Variants in PREX2 observed in about 807,000 individuals in gnomAD.
PREX2 encodes the protein phosphatidylinositol 3,4,5-trisphosphate-dependent Rac exchanger 2 protein.
Under a neutral mutation model 203.2 loss-of-function variants are expected in PREX2, and 107 were observed. The observed-to-expected ratio is 0.53, with a 90% CI of 0.45 to 0.62. The LOEUF is 0.62. Among genes scored for constraint, PREX2 ranks in the 20% least tolerant of loss-of-function variants. The probability of loss-of-function intolerance (pLI) is 0.00; values close to 1 mark genes in which losing one functional copy is unlikely to be tolerated. For missense variants in PREX2, 1,777 were observed against 1,955.9 expected (o/e 0.91, Z 1.72); for synonymous variants, 672 against 663.6 (o/e 1.01, Z -0.19).
chr8:68,136,261 G>GA (rs576271953), intron 32 of PREX2, among the ~76,000 whole-genome samples: 1 of 151,732 alleles, frequency 6.6e-6, no homozygotes, highest in Non-Finnish European at 1.5e-5. Flanking sequence ...AAGCGGTGTG[G>GA]TTTTTTTTCA....
intron 35 of PREX2, among the ~76,000 whole-genome samples, chr8:68,180,974 C>T (rs1452891280): frequency 1.3e-5 from 2 of 152,142 alleles, no homozygotes; most frequent in East Asian, 3.9e-4. Flanking sequence ...GTCAAGCTTA[C>T]ATTTCTTTGC....
In PREX2 at chr8:68,160,063, T is replaced by C. The variant is rs113716836; in HGVS notation, c.4346+2627T>C. On this transcript the variant is annotated intron_variant, in intron 35 of 39. Transcript: ENST00000288368. ...AAAATTATTTTAGTCCTCTATTAGT[T>C]TAGTCTCATGGAATTAATTCTTGTT... Among the ~76,000 whole-genome samples, 149 of 152,324 alleles carry C rather than the reference T, an allele frequency of 9.8e-4. 2 individuals are homozygous for C. Among genetic ancestry groups the C allele is most frequent in the African/African-American group, 3.3e-3 (136 of 41,588 alleles).
At chr8:68,050,311 G>T (rs1311269636) in intron 8 of PREX2, among the ~76,000 whole-genome samples, 1 of 152,018 alleles carries the variant, frequency 6.6e-6, no homozygotes, top group Non-Finnish European at 1.5e-5. Context: ...ACTGGATGAC[G>T]GTTCTGTGGG....
intron 34 of PREX2, among the ~76,000 whole-genome samples, chr8:68,155,800 T>G (rs1244515707): frequency 6.6e-6 from 1 of 152,176 alleles, no homozygotes; most frequent in Non-Finnish European, 1.5e-5. Context: ...TCCAAAATTT[T>G]TTAAATGATA....
chr8:68,130,752 A>G lies in PREX2; in HGVS notation c.3767-3307A>G, dbSNP rs1399333442. Among the ~76,000 whole-genome samples the G allele has an allele frequency of 2.6e-5, 4 of 152,164 alleles. No individual in the cohort carries two copies. The South Asian group carries it at 8.3e-4, about 32-fold the overall frequency. ...CCACTTCTCTGGCCTTGATGTACTG[A>G]TGGTTGCTTGGGAACACAGACTCAT... On this transcript the variant is annotated intron_variant, in intron 31 of 39. Transcript: ENST00000288368.
At chr8:68,024,547 C>A (rs182721214) in intron 4 of PREX2, among the ~76,000 whole-genome samples, 12 of 151,882 alleles carry the variant, frequency 7.9e-5, no homozygotes, top group Admixed American at 2.6e-4. Flanking sequence ...TATTTATGAT[C>A]TTTAAAATGT....
chr8:68,066,353 G>A (rs902481770), intron 11 of PREX2, among the ~76,000 whole-genome samples: 13 of 151,824 alleles, frequency 8.6e-5, no homozygotes, highest in African/African-American at 2.9e-4. Flanking sequence ...AGTGTACAAG[G>A]GTTTCCTTTT....
chr8:68,122,459 A>T (rs542092816), intron 30 of PREX2, among the ~76,000 whole-genome samples: 4 of 152,202 alleles, frequency 2.6e-5, no homozygotes, highest in Non-Finnish European at 5.9e-5. Context: ...TGTTAAATGC[A>T]TTTTTGAAAA....
chr8:68,110,140 T>C (rs1484513893), intron 25 of PREX2, among the ~76,000 whole-genome samples: 1 of 152,186 alleles, frequency 6.6e-6, no homozygotes, highest in Non-Finnish European at 1.5e-5. Flanking sequence ...CCCAAATACC[T>C]GTGCCAGTAT....
chr8:68,225,394 T>A (rs1813038989), intron 39 of PREX2, among the ~76,000 whole-genome samples: 1 of 152,212 alleles, frequency 6.6e-6, no homozygotes, highest in African/African-American at 2.4e-5. Flanking sequence ...TGGTTTTGAT[T>A]TCCATGGTGA....
chr8:67,973,068 A>G (rs1439520714), intron 1 of PREX2, among the ~76,000 whole-genome samples: 1 of 151,952 alleles, frequency 6.6e-6, no homozygotes, highest in African/African-American at 2.4e-5. Flanking sequence ...GCCACTCTCA[A>G]TGCCGTGTTG....
intron 37 of PREX2, among the ~76,000 whole-genome samples, chr8:68,210,148 T>C (rs918493676): frequency 6.6e-6 from 1 of 152,222 alleles, no homozygotes; most frequent in Admixed American, 6.5e-5. Context: ...TTGAGAACTA[T>C]AGAAGTTTTC....
chr8:67,994,939 A>G (rs917697089), intron 1 of PREX2, among the ~76,000 whole-genome samples: 2 of 152,238 alleles, frequency 1.3e-5, no homozygotes, highest in Admixed American at 1.3e-4. Context: ...TGGTTTTAGT[A>G]TAATTCAGGA....
At chr8:68,192,022 G>A (rs1812304657) in intron 36 of PREX2, among the ~76,000 whole-genome samples, 1 of 152,194 alleles carries the variant, frequency 6.6e-6, no homozygotes, top group African/African-American at 2.4e-5. Context: ...ATGTGCCATG[G>A]TGGTTTGCTG....
chr8:67,962,923 A>G (rs1471456445), intron 1 of PREX2, among the ~76,000 whole-genome samples: 1 of 152,088 alleles, frequency 6.6e-6, no homozygotes, highest in Non-Finnish European at 1.5e-5. Context: ...TATATATTTT[A>G]TATATTTACA....
At position 67,989,394 on chromosome 8, in the gene PREX2, A is replaced by G. The variant is rs532370956; in HGVS notation, c.142-28452A>G. Reference sequence around the variant, plus strand: ...ACTATTCTAAGAATTTAAAATTTTCAGATCTGGTTAAATGAAATATTAGGT... The same window carrying G: ...ACTATTCTAAGAATTTAAAATTTTCGGATCTGGTTAAATGAAATATTAGGT... On this transcript the variant is annotated intron_variant, in intron 1 of 39. Coordinates refer to ENST00000288368, the MANE Select transcript of PREX2 (RefSeq NM_024870.4). Among the ~76,000 whole-genome samples, 6 of 152,188 alleles carry G rather than the reference A, an allele frequency of 3.9e-5. No individual in the cohort carries two copies. The South Asian group carries it at 1.2e-3, about 32-fold the overall frequency.
intron 37 of PREX2, among the ~76,000 whole-genome samples, chr8:68,204,838 C>A (rs945217078): frequency 1.3e-5 from 2 of 151,726 alleles, no homozygotes; most frequent in Non-Finnish European, 2.9e-5. Context: ...CCTGCCACCA[C>A]ACCCGGCTAA....
intron 1 of PREX2, among the ~76,000 whole-genome samples, chr8:67,985,032 G>A (rs886150794): frequency 1.3e-5 from 2 of 151,364 alleles, no homozygotes; most frequent in Non-Finnish European, 2.9e-5. Context: ...CTTTTGTAGC[G>A]ACTACGTTGT....
intron 37 of PREX2, among the ~76,000 whole-genome samples, chr8:68,213,844 T>C (rs1238031357): frequency 3.3e-5 from 5 of 152,326 alleles, no homozygotes; most frequent in Admixed American, 1.3e-4. Context: ...TTACTAAAAT[T>C]AAGGACAAAT....
Sources: gnomAD v4.1 joint callset for allele counts (sites outside exome capture counted in the v4.1 genomes callset) on GRCh38, gnomAD v4.1.1 for gene constraint, MANE v1.5 for transcripts, NCBI Gene and HGNC (gene_info 2026-07-23, HGNC 2026-07-21) for gene names.